Variants in PDE3A observed in about 807,000 individuals in gnomAD.
The protein encoded by PDE3A is cGMP-inhibited 3',5'-cyclic phosphodiesterase 3A.
In PDE3A, 43 loss-of-function variants were observed where a neutral mutation model predicts 98.3. The observed-to-expected ratio is 0.44, with a 90% CI of 0.34 to 0.56. The LOEUF (loss-of-function observed/expected upper bound fraction) is 0.56, where lower values mean the gene tolerates loss of function less well. Among genes scored for constraint, PDE3A ranks in the 20% least tolerant of loss-of-function variants. PDE3A has a pLI of 0.01. For missense variants in PDE3A, 1,427 were observed against 1,440.7 expected, an observed-to-expected ratio of 0.99 and a Z score of 0.15; for synonymous variants, 663 against 567.9, an observed-to-expected ratio of 1.17 and a Z score of -2.38.
rs1944890326 is a variant in PDE3A at position 20,650,455 on chromosome 12, ATGT to A, written c.2783_2785del (p.Val928del). The stretch of plus-strand genomic sequence containing the variant: ...TTATCTCTCAAATAGGTAAATGATG[ATGT>A]TGGAATAGATTGGACCAATGAAAAT... On this transcript the variant is annotated inframe_deletion, in exon 14 of 16. Transcript: ENST00000359062. 6.9e-6 allele frequency: 11 copies of A among 1,599,896 alleles called. No individual in the cohort carries two copies. In the East Asian group the frequency reaches 2.5e-4, roughly 36 times the overall value.
intron 1 of PDE3A, among the ~76,000 whole-genome samples, chr12:20,386,263 ATATT>A (rs1485885934): frequency 1.5e-5 from 2 of 132,530 alleles, no homozygotes; most frequent in Non-Finnish European, 3.1e-5. Context: ...TTATATTAAT[ATATT>A]ATATTATATT....
At chr12:20,628,591 G>C (rs1944316203) in intron 5 of PDE3A, among the ~76,000 whole-genome samples, 1 of 152,052 alleles carries the variant, frequency 6.6e-6, no homozygotes, top group Admixed American at 6.6e-5. Context: ...GGTCTAAGTG[G>C]TTTCGTTTGC....
At chr12:20,460,045 C>T (rs1945220024) in intron 1 of PDE3A, among the ~76,000 whole-genome samples, 2 of 152,184 alleles carry the variant, frequency 1.3e-5, no homozygotes, top group Admixed American at 6.6e-5. Flanking sequence ...ATCTGTGAAA[C>T]TCTCAGGCTG....
At chr12:20,518,252 G>A (rs1946358161) in intron 1 of PDE3A, among the ~76,000 whole-genome samples, 1 of 152,128 alleles carries the variant, frequency 6.6e-6, no homozygotes, top group Non-Finnish European at 1.5e-5. Context: ...TACAGGCATA[G>A]AAAATTTTTT....
At chr12:20,610,358 T>C (rs895925576) in intron 2 of PDE3A, among the ~76,000 whole-genome samples, 71 of 152,014 alleles carry the variant, frequency 4.7e-4, no homozygotes, top group Non-Finnish European at 8.4e-4. Flanking sequence ...ATCACTTCAC[T>C]CCTGTTAGGA....
chr12:20,456,261 A>G (rs776336341), intron 1 of PDE3A, among the ~76,000 whole-genome samples: 1 of 152,160 alleles, frequency 6.6e-6, no homozygotes, highest in Non-Finnish European at 1.5e-5. Flanking sequence ...TAAGTTTGCT[A>G]AAATACATAA....
At chr12:20,463,746 C>CA (rs1945293503) in intron 1 of PDE3A, among the ~76,000 whole-genome samples, 1 of 151,996 alleles carries the variant, frequency 6.6e-6, no homozygotes, top group South Asian at 2.1e-4. Flanking sequence ...TAGTATGTAC[C>CA]TGCTGAGGAA....
intron 15 of PDE3A, among the ~76,000 whole-genome samples, chr12:20,663,463 C>A (rs1945232192): frequency 7.0e-6 from 1 of 142,446 alleles, no homozygotes. Context: ...GGTGCTGTAC[C>A]CTGCAAAGCC....
At chr12:20,598,722 T>C (rs1943523426) in intron 2 of PDE3A, among the ~76,000 whole-genome samples, 1 of 152,226 alleles carries the variant, frequency 6.6e-6, no homozygotes, top group African/African-American at 2.4e-5. Context: ...ATTGAAAGAA[T>C]ACTGTAGACA....
At chr12:20,509,751 A>G (rs1271814598) in intron 1 of PDE3A, among the ~76,000 whole-genome samples, 4 of 152,010 alleles carry the variant, frequency 2.6e-5, no homozygotes, top group Non-Finnish European at 5.9e-5. Flanking sequence ...AGTGCCACTT[A>G]GAAAACTTGG....
chr12:20,376,449 A>G (rs1943572276), intron 1 of PDE3A, among the ~76,000 whole-genome samples: 1 of 151,920 alleles, frequency 6.6e-6, no homozygotes, highest in Admixed American at 6.6e-5. Flanking sequence ...AAGACTGAAT[A>G]ATCAGATTGA....
At position 20,680,433 on chromosome 12, in the gene PDE3A, G is replaced by A. The variant is rs1427406097; in HGVS notation, c.*162G>A. ...TTTGTGTGTATATTTTTACAGTGAG[G>A]TACATTGTTAAAAACTTTTTGCTCA... On this transcript the variant is annotated 3_prime_UTR_variant, in exon 16 of 16. Transcript: ENST00000359062. 9 of 739,958 alleles carry A rather than the reference G, an allele frequency of 1.2e-5. No individual in the cohort carries two copies. The East Asian group carries it at 2.2e-4, about 18-fold the overall frequency. The allele number at this position is 739,958 out of a possible 1,614,324, so 45.8% of individuals were successfully genotyped here.
At chr12:20,478,545 C>A (rs1308522749) in intron 1 of PDE3A, among the ~76,000 whole-genome samples, 2 of 152,054 alleles carry the variant, frequency 1.3e-5, no homozygotes, top group Non-Finnish European at 2.9e-5. Context: ...TAGCACACTG[C>A]TTGACATTCA....
intron 1 of PDE3A, among the ~76,000 whole-genome samples, chr12:20,433,774 A>T (rs899675819): frequency 6.6e-6 from 1 of 152,158 alleles, no homozygotes; most frequent in African/African-American, 2.4e-5. Context: ...CTTCTCTGTC[A>T]CAATTTTGCC....
At chr12:20,427,502 A>G (rs1373575134) in intron 1 of PDE3A, among the ~76,000 whole-genome samples, 1 of 152,166 alleles carries the variant, frequency 6.6e-6, no homozygotes, top group Non-Finnish European at 1.5e-5. Flanking sequence ...ATGGTTAGGT[A>G]TATGCTAGAT....
chr12:20,492,717 C>T (rs1286584528), intron 1 of PDE3A, among the ~76,000 whole-genome samples: 1 of 152,032 alleles, frequency 6.6e-6, no homozygotes, highest in African/African-American at 2.4e-5. Flanking sequence ...GGCAGGGCAG[C>T]GAGGGGTGAT....
chr12:20,495,877 A>G (rs1463932868), intron 1 of PDE3A, among the ~76,000 whole-genome samples: 1 of 152,206 alleles, frequency 6.6e-6, no homozygotes, highest in African/African-American at 2.4e-5. Context: ...CTTTGATAAG[A>G]AACTAAATGG....
chr12:20,537,032 C>T (rs1941766825), intron 1 of PDE3A, among the ~76,000 whole-genome samples: 1 of 151,994 alleles, frequency 6.6e-6, no homozygotes, highest in African/African-American at 2.4e-5. Context: ...CCTCATTTCT[C>T]CACATCCTCA....
intron 5 of PDE3A, among the ~76,000 whole-genome samples, chr12:20,625,938 T>C (rs1944251603): frequency 6.6e-6 from 1 of 152,202 alleles, no homozygotes; most frequent in Admixed American, 6.5e-5. Context: ...CTTCCTGGAA[T>C]CTGCTAAAAT....
Sources: allele counts gnomAD v4.1 joint callset (sites outside exome capture counted in the v4.1 genomes callset), GRCh38; gene constraint gnomAD v4.1.1; transcripts MANE v1.5; gene names NCBI Gene and HGNC (gene_info 2026-07-23, HGNC 2026-07-21).